The following FIGN variants were observed in gnomAD, a reference collection of about 807,000 sequenced individuals.
The protein encoded by FIGN is fidgetin.
A neutral mutation model predicts 51.3 loss-of-function variants in FIGN; 11 were observed. The observed-to-expected ratio is 0.21, with a 90% CI of 0.13 to 0.35. FIGN has a LOEUF of 0.35. Among genes scored for constraint, FIGN ranks in the 10% least tolerant of loss-of-function variants. FIGN has a pLI of 1.00. For missense variants in FIGN, 857 were observed against 943.6 expected, an observed-to-expected ratio of 0.91 and a Z score of 1.20; for synonymous variants, 407 against 363.2, an observed-to-expected ratio of 1.12 and a Z score of -1.37.
intron 2 of FIGN, among the ~76,000 whole-genome samples, chr2:163,641,705 AT>A (rs1683308933): frequency 2.0e-5 from 3 of 150,724 alleles, no homozygotes; most frequent in Non-Finnish European, 4.5e-5. Context: ...AGCAAATGCC[AT>A]GGCAAATGCC....
At chr2:163,615,045 AAATT>A (rs1378789394) in intron 2 of FIGN, among the ~76,000 whole-genome samples, 2 of 152,182 alleles carry the variant, frequency 1.3e-5, no homozygotes, top group African/African-American at 4.8e-5. Context: ...TTTTTACCTG[AAATT>A]AAGCAAAGAT....
At chr2:163,714,940 T>C (rs1257035787) in intron 2 of FIGN, among the ~76,000 whole-genome samples, 1 of 152,238 alleles carries the variant, frequency 6.6e-6, no homozygotes, top group East Asian at 1.9e-4. Flanking sequence ...CATTTTTATT[T>C]ATAGCCGATG....
At chr2:163,641,470 G>A (rs1683304950) in intron 2 of FIGN, among the ~76,000 whole-genome samples, 1 of 152,210 alleles carries the variant, frequency 6.6e-6, no homozygotes, top group Non-Finnish European at 1.5e-5. Context: ...TTACAGTTAA[G>A]GGGGCTGAAA....
At chr2:163,723,652 A>G (rs755403737) in intron 2 of FIGN, among the ~76,000 whole-genome samples, 4 of 152,342 alleles carry the variant, frequency 2.6e-5, no homozygotes, top group Non-Finnish European at 4.4e-5. Flanking sequence ...AAGTACAGGA[A>G]AAAAGTATTG....
chr2:163,669,020 A>AT (rs1465120626), intron 2 of FIGN, among the ~76,000 whole-genome samples: 1 of 148,032 alleles, frequency 6.8e-6, no homozygotes, highest in Non-Finnish European at 1.5e-5. Flanking sequence ...AAAGGAATAT[A>AT]TATATATATA....
chr2:163,660,873 ATATATATTTTTTTTTTT>A (rs1331394051), intron 2 of FIGN, among the ~76,000 whole-genome samples: 1 of 26,318 alleles, frequency 3.8e-5, no homozygotes, highest in African/African-American at 1.6e-4. Context: ...ATATATATAT[ATATATATTTTTTTTTTT>A]TTTTTTTTTT....
chr2:163,695,257 C>T (rs1340655900), intron 2 of FIGN, among the ~76,000 whole-genome samples: 1 of 152,174 alleles, frequency 6.6e-6, no homozygotes, highest in Non-Finnish European at 1.5e-5. Context: ...TTCTTCCCTA[C>T]TTGCCTACAA....
intron 2 of FIGN, among the ~76,000 whole-genome samples, chr2:163,669,765 A>G (rs976981779): frequency 6.6e-6 from 1 of 152,234 alleles, no homozygotes; most frequent in Admixed American, 6.5e-5. Context: ...CAAAGAAATG[A>G]AACTTAATAT....
intron 2 of FIGN, among the ~76,000 whole-genome samples, chr2:163,734,224 C>T (rs755762352): frequency 4.0e-5 from 6 of 151,566 alleles, no homozygotes; most frequent in Non-Finnish European, 7.4e-5. Context: ...GACAGGCAGA[C>T]GAGTGAATGG....
At chr2:163,626,855 G>T (rs1417458826) in intron 2 of FIGN, among the ~76,000 whole-genome samples, 1 of 152,090 alleles carries the variant, frequency 6.6e-6, no homozygotes, top group Non-Finnish European at 1.5e-5. Flanking sequence ...AGTGACCTCT[G>T]GTCGTCCTCA....
At chr2:163,720,997 G>T (rs1684748111) in intron 2 of FIGN, among the ~76,000 whole-genome samples, 1 of 151,744 alleles carries the variant, frequency 6.6e-6, no homozygotes, top group African/African-American at 2.4e-5. Context: ...TAAATAAAAA[G>T]AAAGGGAAGG....
At chr2:163,690,536 A>C (rs977185600) in intron 2 of FIGN, among the ~76,000 whole-genome samples, 13 of 152,126 alleles carry the variant, frequency 8.5e-5, no homozygotes, top group African/African-American at 3.1e-4. Flanking sequence ...AGATGTAATA[A>C]AGCAGTTATA....
intron 2 of FIGN, among the ~76,000 whole-genome samples, chr2:163,612,021 T>A (rs1691274620): frequency 6.6e-6 from 1 of 152,250 alleles, no homozygotes; most frequent in Admixed American, 6.5e-5. Context: ...CACACTGAGT[T>A]TAAAATATAA....
chr2:163,718,516 GC>G (rs1008211624), intron 2 of FIGN, among the ~76,000 whole-genome samples: 10 of 152,220 alleles, frequency 6.6e-5, no homozygotes, highest in Admixed American at 3.3e-4. Context: ...TCCCAAGGGT[GC>G]CATCTAAGTA....
At chr2:163,612,234 A>G in intron 2 of FIGN, 1 of 810,402 alleles carries the variant, frequency 1.2e-6, no homozygotes, top group African/African-American at 1.9e-5. Flanking sequence ...TAACATGTAC[A>G]ATATCTAGCT....
chr2:163,720,455 C>A (rs2105362534), intron 2 of FIGN, among the ~76,000 whole-genome samples: 2 of 152,252 alleles, frequency 1.3e-5, no homozygotes, highest in South Asian at 4.1e-4. Flanking sequence ...CATTAGAAAA[C>A]ATTCTTTTCA....
chr2:163,676,484 A>ATATATCTATCTATCTAT (rs1491432139), intron 2 of FIGN, among the ~76,000 whole-genome samples: 1 of 55,702 alleles, frequency 1.8e-5, no homozygotes, highest in Non-Finnish European at 4.1e-5. Context: ...TATATATATA[A>ATATATCTATCTATCTAT]CTAGAGTCTG....
At chr2:163,714,077 C>T (rs1247323874) in intron 2 of FIGN, among the ~76,000 whole-genome samples, 2 of 152,164 alleles carry the variant, frequency 1.3e-5, no homozygotes, top group East Asian at 3.9e-4. Flanking sequence ...CAGAGAATCT[C>T]AAGCTCCATT....
chr2:163,657,775 G>C (rs950130844), intron 2 of FIGN, among the ~76,000 whole-genome samples: 3 of 152,052 alleles, frequency 2.0e-5, no homozygotes, highest in Non-Finnish European at 4.4e-5. Context: ...TCAATAAAAA[G>C]ATTTTGCAAA....
Sources: gnomAD v4.1 joint callset for allele counts (sites outside exome capture counted in the v4.1 genomes callset) on GRCh38, gnomAD v4.1.1 for gene constraint, MANE v1.5 for transcripts, NCBI Gene and HGNC (gene_info 2026-07-23, HGNC 2026-07-21) for gene names.